The following MBTD1 variants were observed in gnomAD, a reference collection of about 807,000 sequenced individuals.
MBTD1 encodes the protein MBT domain-containing protein 1.
A neutral mutation model predicts 87.8 loss-of-function variants in MBTD1; 24 were observed. The ratio of observed to expected loss-of-function variants is 0.27; its 90% CI spans 0.20 to 0.38. MBTD1 has a LOEUF of 0.38. Ranked by LOEUF, MBTD1 falls within the 10% of genes least tolerant of loss-of-function variation. MBTD1 has a pLI of 1.00. For synonymous variants in MBTD1, 237 were observed against 248.6 expected, an observed-to-expected ratio of 0.95 and a Z score of 0.44; for missense variants, 436 against 760.2, an observed-to-expected ratio of 0.57 and a Z score of 5.02.
At chr17:51,210,737 C>G (rs1269003471) in intron 6 of MBTD1, among the ~76,000 whole-genome samples, 1 of 149,998 alleles carries the variant, frequency 6.7e-6, no homozygotes, top group Non-Finnish European at 1.5e-5. Flanking sequence ...GCCTGGGCAA[C>G]AGAGCAAGAC....
At chr17:51,192,435 C>T in intron 15 of MBTD1, 155 bp from the exon 16 acceptor site, 1 of 645,172 alleles carries the variant, frequency 1.5e-6, no homozygotes, top group Non-Finnish European at 2.6e-6. Context: ...CCTACAAAAC[C>T]ATAGCCTCAA....
chr17:51,236,412 A>AT (rs563424881), intron 2 of MBTD1, among the ~76,000 whole-genome samples: 143 of 152,092 alleles, frequency 9.4e-4, no homozygotes, highest in African/African-American at 3.4e-3. Context: ...TGCCTAGCTA[A>AT]TTTTTTATTT....
intron 12 of MBTD1, among the ~76,000 whole-genome samples, 184 bp downstream of exon 12, chr17:51,201,408 T>G (rs2051482592): frequency 6.6e-6 from 1 of 152,204 alleles, no homozygotes; most frequent in Non-Finnish European, 1.5e-5. Context: ...ATGACAATCT[T>G]GACAATAAAC....
In MBTD1 at chr17:51,177,610, A is replaced by G. The variant is rs2050154375; in HGVS notation, c.*2966T>C. On this transcript the variant is annotated 3_prime_UTR_variant, in exon 17 of 17. Transcript: ENST00000586178. ...CGCCATTATATATACACTTCATGAG[A>G]AAGTTTCAAACACTTTCTCAATGAT... The G allele has an allele frequency of 6.6e-6, 1 of 152,208 alleles. No homozygotes were observed. The highest frequency in any genetic ancestry group is 2.1e-4 in the South Asian group (1 of 4,832). The allele number at this position is 152,208 out of a possible 1,614,324, so 9.4% of individuals were successfully genotyped here. A position where few individuals can be genotyped will look rare whatever the true frequency, so the allele number is the denominator to read the frequency against.
chr17:51,203,255 A>C (rs765062204), intron 8 of MBTD1, 27 bp from the exon 9 acceptor site: 4 of 1,209,898 alleles, frequency 3.3e-6, no homozygotes, highest in Non-Finnish European at 4.6e-6. Flanking sequence ...AATCAGTTAT[A>C]CTTTAGCAAA....
chr17:51,236,321 C>T (rs2053834429), intron 2 of MBTD1, among the ~76,000 whole-genome samples: 1 of 152,184 alleles, frequency 6.6e-6, no homozygotes, highest in South Asian at 2.1e-4. Context: ...TCTCAGCTCA[C>T]TGCAACCTTC....
chr17:51,195,146 T>C (rs922059429), intron 13 of MBTD1, 68 bp downstream of exon 13: 226 of 1,448,232 alleles, frequency 1.6e-4, no homozygotes, highest in Non-Finnish European at 1.5e-4. Flanking sequence ...GTGTTAAATG[T>C]TGTAAACAAA....
chr17:51,222,618 G>A (rs971746887), intron 3 of MBTD1, among the ~76,000 whole-genome samples: 1 of 151,564 alleles, frequency 6.6e-6, no homozygotes, highest in Non-Finnish European at 1.5e-5. Context: ...GGCTGGTCTC[G>A]AACTCCTGAG....
chr17:51,259,350 C>G (rs2055306419), intron 1 of MBTD1, 144 bp from the exon 2 acceptor site: 1 of 897,108 alleles, frequency 1.1e-6, no homozygotes, highest in Middle Eastern at 3.9e-4. Context: ...CACCCCGCCC[C>G]CTTTCAATAT....
At chr17:51,207,977 A>G (rs1048938390) in intron 6 of MBTD1, among the ~76,000 whole-genome samples, 4 of 152,170 alleles carry the variant, frequency 2.6e-5, no homozygotes, top group African/African-American at 7.2e-5. Context: ...AAGACTTGAT[A>G]GTATGAACAA....
At chr17:51,206,315 C>G (rs544845825) in intron 7 of MBTD1, among the ~76,000 whole-genome samples, 1 of 151,970 alleles carries the variant, frequency 6.6e-6, no homozygotes, top group South Asian at 2.1e-4. Flanking sequence ...GCTATTTTGC[C>G]CAGGTGGGTC....
chr17:51,225,698 A>C, intron 2 of MBTD1, among the ~76,000 whole-genome samples: 1 of 152,028 alleles, frequency 6.6e-6, no homozygotes, highest in South Asian at 2.1e-4. Flanking sequence ...CTGGGATGAC[A>C]GGCGTGAGCC....
intron 2 of MBTD1, among the ~76,000 whole-genome samples, chr17:51,233,513 GA>G (rs1331923272): frequency 6.6e-6 from 1 of 151,934 alleles, no homozygotes; most frequent in Non-Finnish European, 1.5e-5. Flanking sequence ...TAAAGTCAAG[GA>G]AATCTTTCAA....
chr17:51,217,352 C>G lies in MBTD1; in HGVS notation c.468G>C (p.Pro156=). The change falls in exon 6 of 17, where the codon CCG becomes CCC. Residue 156 remains proline, a synonymous_variant. Coordinates refer to ENST00000586178, the MANE Select transcript of MBTD1 (RefSeq NM_017643.3). The part of the protein sequence containing the change: ...YINSNSFIAA[P]VTCFKHAPMG... ...TACTTACATGTTTAAAACAGGTAAC[C>G]GGAGCTGCTATAAAGCTATTGCTAT... 6.5e-7 allele frequency: 1 copy of G among 1,535,482 alleles called. No individual in the cohort carries two copies. Among genetic ancestry groups the G allele is most frequent in the Non-Finnish European group, 8.8e-7 (1 of 1,139,572 alleles).
At chr17:51,255,333 T>C (rs991217099) in intron 2 of MBTD1, among the ~76,000 whole-genome samples, 4 of 152,140 alleles carry the variant, frequency 2.6e-5, no homozygotes, top group African/African-American at 9.7e-5. Context: ...AGTATCATAT[T>C]GATCTGATAT....
chr17:51,209,565 T>TTCAA, intron 6 of MBTD1: 2 of 450,350 alleles, frequency 4.4e-6, no homozygotes, highest in South Asian at 3.2e-5. Context: ...TTTGCTGTAC[T>TTCAA]TCAAGATCAT....
At chr17:51,239,654 A>T (rs545821571) in intron 2 of MBTD1, among the ~76,000 whole-genome samples, 1 of 152,342 alleles carries the variant, frequency 6.6e-6, no homozygotes, top group African/African-American at 2.4e-5. Flanking sequence ...CCTGTGCATT[A>T]TAAGATGTCT....
At chr17:51,193,128 A>T in intron 14 of MBTD1, 112 bp from the exon 15 acceptor site, 1 of 735,972 alleles carries the variant, frequency 1.4e-6, no homozygotes, top group Non-Finnish European at 2.3e-6. Flanking sequence ...CATAATTATA[A>T]ACCATAAATT....
rs1256735543 is a variant in MBTD1 at position 51,179,516 on chromosome 17, A to ATT, written c.*1059_*1060insAA. ...TATATATATATATATATATATATAT[A>ATT]TATATATATATATATATATATGGAA... is the stretch of plus-strand genomic sequence containing the variant. On this transcript the variant is annotated 3_prime_UTR_variant, in exon 17 of 17. Coordinates refer to ENST00000586178, the MANE Select transcript of MBTD1 (RefSeq NM_017643.3). 2.0e-4 allele frequency: 18 copies of ATT among 87,938 alleles called. No individual in the cohort carries two copies. The highest frequency in any genetic ancestry group is 3.9e-4 in the African/African-American group (8 of 20,402). 5.4% of individuals were successfully genotyped at this position (87,938 alleles called of 1,614,324 possible). A position where few individuals can be genotyped will look rare whatever the true frequency, so the allele number is the denominator to read the frequency against.
Sources: allele counts gnomAD v4.1 joint callset (sites outside exome capture counted in the v4.1 genomes callset), GRCh38; gene constraint gnomAD v4.1.1; transcripts MANE v1.5; gene names NCBI Gene and HGNC (gene_info 2026-07-23, HGNC 2026-07-21).